Variants in THSD7B observed in about 807,000 individuals in gnomAD.
THSD7B encodes the protein thrombospondin type-1 domain-containing protein 7B.
In THSD7B, 138 loss-of-function variants were observed where a neutral mutation model predicts 213.6. That is an observed-to-expected ratio of 0.65 (90% CI 0.56 to 0.74). THSD7B has a LOEUF of 0.74. Among genes scored for constraint, THSD7B ranks in the 30% least tolerant of loss-of-function variants. THSD7B has a pLI of 0.00. For missense variants in THSD7B, 1,931 were observed against 1,991.5 expected (o/e 0.97, Z 0.58); for synonymous variants, 742 against 687.0 (o/e 1.08, Z -1.25).
At chr2:136,898,762 C>T (rs2105009753) in intron 2 of THSD7B, among the ~76,000 whole-genome samples, 1 of 151,856 alleles carries the variant, frequency 6.6e-6, no homozygotes, top group East Asian at 1.9e-4. Context: ...CCTGCCTCAG[C>T]CTCCTGAGTA....
intron 5 of THSD7B, among the ~76,000 whole-genome samples, chr2:137,131,999 T>C (rs1186471532): frequency 6.6e-6 from 1 of 150,752 alleles, no homozygotes; most frequent in East Asian, 1.9e-4. Context: ...ATATTGATTC[T>C]TCCTACCCAT....
At chr2:137,525,682 T>G (rs1486453988) in intron 15 of THSD7B, among the ~76,000 whole-genome samples, 1 of 152,210 alleles carries the variant, frequency 6.6e-6, no homozygotes, top group African/African-American at 2.4e-5. Flanking sequence ...CATAATGTAC[T>G]ATGCTTAAAA....
chr2:137,114,642 A>G (rs1371478352), intron 4 of THSD7B, among the ~76,000 whole-genome samples: 2 of 152,238 alleles, frequency 1.3e-5, no homozygotes, highest in Non-Finnish European at 2.9e-5. Context: ...TTACATCAAG[A>G]AGACTGAAAA....
chr2:137,191,163 A>G (rs1680648993), intron 7 of THSD7B, among the ~76,000 whole-genome samples: 1 of 152,172 alleles, frequency 6.6e-6, no homozygotes, highest in Non-Finnish European at 1.5e-5. Context: ...CTTCCTGAGA[A>G]TGGCAAGCAG....
chr2:137,085,460 T>C (rs1401193377), intron 3 of THSD7B, among the ~76,000 whole-genome samples: 1 of 152,004 alleles, frequency 6.6e-6, no homozygotes, highest in Non-Finnish European at 1.5e-5. Flanking sequence ...AGATGAAATA[T>C]TGCAGTTATG....
At chr2:137,027,957 A>G (rs1285552553) in intron 2 of THSD7B, among the ~76,000 whole-genome samples, 1 of 152,176 alleles carries the variant, frequency 6.6e-6, no homozygotes. Context: ...TAATGTACAT[A>G]TATTGCTTAT....
intron 9 of THSD7B, among the ~76,000 whole-genome samples, chr2:137,236,961 A>C (rs970739922): frequency 2.0e-5 from 3 of 152,084 alleles, no homozygotes; most frequent in Non-Finnish European, 4.4e-5. Context: ...AAATACAAAA[A>C]TTAGCCAGGA....
chr2:137,487,850 G>A lies in THSD7B; in HGVS notation c.3138+36827G>A, dbSNP rs1484262488. 8.1e-5 allele frequency among the ~76,000 whole-genome samples: 3 copies of A among 37,152 alleles called. 1 individual carries two copies. The highest frequency in any genetic ancestry group is 2.0e-3 in the East Asian group (2 of 1,002). 24.4% of individuals were successfully genotyped at this position (37,152 alleles called of 152,430 possible). A position where few individuals can be genotyped will look rare whatever the true frequency, so the allele number is the denominator to read the frequency against. On this transcript the variant is annotated intron_variant, in intron 15 of 27. Coordinates refer to ENST00000409968, the MANE Select transcript of THSD7B (RefSeq NM_001316349.2). ...GGGATCTCGGCTCACTGCAAGCTCC[G>A]CCTCCCGGGTTCACGCCATTCTCCT...
intron 6 of THSD7B, among the ~76,000 whole-genome samples, chr2:137,162,323 G>A (rs570348220): frequency 2.6e-5 from 4 of 152,048 alleles, no homozygotes; most frequent in African/African-American, 9.7e-5. Flanking sequence ...CTTTTCCATT[G>A]GTCCCCGGAA....
chr2:137,059,980 G>T (rs992680954), intron 3 of THSD7B, among the ~76,000 whole-genome samples: 1 of 152,126 alleles, frequency 6.6e-6, no homozygotes, highest in Non-Finnish European at 1.5e-5. Flanking sequence ...GTGCCACTTT[G>T]CAATGCCACC....
intron 3 of THSD7B, among the ~76,000 whole-genome samples, chr2:137,059,963 A>G (rs1687241522): frequency 6.6e-6 from 1 of 152,184 alleles, no homozygotes; most frequent in Non-Finnish European, 1.5e-5. Context: ...TGTCTTCCAG[A>G]ATGGCTGTGC....
chr2:137,656,856 G>A lies in THSD7B; in HGVS notation c.4166G>A (p.Gly1389Glu). 1 of 1,614,020 alleles carries A rather than the reference G, an allele frequency of 6.2e-7. No individual in the cohort carries two copies. Among genetic ancestry groups the A allele is most frequent in the Non-Finnish European group, 8.5e-7 (1 of 1,179,898 alleles). ...ACATGTGAATTAACCTGCATTGATG[G>A]AAGAAGCTTTGAGACTGTGGGCCGC... ...WSTCELTCID[G>E]RSFETVGRQS... Residue 1389 changes from glycine (G) to glutamate (E), a missense_variant, in exon 23 of 28, where the codon GGA (glycine) becomes GAA (glutamate). Coordinates refer to ENST00000409968, the MANE Select transcript of THSD7B (RefSeq NM_001316349.2).
chr2:137,605,697 T>G, intron 17 of THSD7B, among the ~76,000 whole-genome samples: 2 of 119,946 alleles, frequency 1.7e-5, no homozygotes, highest in South Asian at 2.9e-4. Flanking sequence ...TGAGACGGAG[T>G]CCTGCTCCGT....
At chr2:137,484,919 T>C (rs1277813675) in intron 15 of THSD7B, among the ~76,000 whole-genome samples, 1 of 92,316 alleles carries the variant, frequency 1.1e-5, no homozygotes, top group East Asian at 3.2e-4. Context: ...TTCTGGATAT[T>C]AGCCCTTTGT....
chr2:137,600,787 G>A (rs1290862494), intron 17 of THSD7B, among the ~76,000 whole-genome samples: 2 of 152,086 alleles, frequency 1.3e-5, no homozygotes, highest in African/African-American at 2.4e-5. Context: ...GCATCAGGCA[G>A]CTCCTTCAGG....
chr2:137,626,337 G>T (rs1168641116), intron 20 of THSD7B, among the ~76,000 whole-genome samples: 2 of 151,924 alleles, frequency 1.3e-5, no homozygotes, highest in East Asian at 3.9e-4. Flanking sequence ...CGTGGCGGGC[G>T]CCTGTAGTCC....
intron 1 of THSD7B, among the ~76,000 whole-genome samples, chr2:136,845,448 T>A (rs1682992145): frequency 6.6e-6 from 1 of 152,192 alleles, no homozygotes; most frequent in South Asian, 2.1e-4. Flanking sequence ...GGAAACATAT[T>A]TCACAGTGTG....
intron 4 of THSD7B, among the ~76,000 whole-genome samples, chr2:137,107,839 C>T (rs2104931569): frequency 6.6e-6 from 1 of 152,252 alleles, no homozygotes; most frequent in South Asian, 2.1e-4. Context: ...ATTTGCACTT[C>T]ACAGTAGCTT....
chr2:136,990,706 T>A (rs1236787956), intron 2 of THSD7B, among the ~76,000 whole-genome samples: 1 of 152,200 alleles, frequency 6.6e-6, no homozygotes, highest in Non-Finnish European at 1.5e-5. Context: ...CTACATTAAA[T>A]ACACTAGATT....
Sources: gnomAD v4.1 joint callset for allele counts (sites outside exome capture counted in the v4.1 genomes callset) on GRCh38, gnomAD v4.1.1 for gene constraint, MANE v1.5 for transcripts, NCBI Gene and HGNC (gene_info 2026-07-23, HGNC 2026-07-21) for gene names.